Variants in CHODL observed in about 807,000 individuals in gnomAD.
CHODL encodes chondrolectin, also known as transmembrane protein MT75.
CHODL carries 29 observed loss-of-function variants against 34.5 expected under a neutral mutation model. The ratio of observed to expected loss-of-function variants is 0.84; its 90% confidence interval spans 0.63 to 1.15. The LOEUF is 1.15. CHODL is among the 50% of genes most tolerant of loss of function. The probability of loss-of-function intolerance (pLI) is 0.00; values close to 1 mark genes in which losing one functional copy is unlikely to be tolerated. For synonymous variants in CHODL, 125 were observed against 116.1 expected, an observed-to-expected ratio of 1.08 and a Z score of -0.49; for missense variants, 332 against 332.5, an observed-to-expected ratio of 1.00 and a Z score of 0.01.
At chr21:18,098,035 A>G (rs1344069843) in intron 2 of CHODL, among the ~76,000 whole-genome samples, 1 of 152,074 alleles carries the variant, frequency 6.6e-6, no homozygotes, top group East Asian at 1.9e-4. Context: ...CTAGACCCCT[A>G]TGTCTCACCA....
At chr21:18,053,831 C>G (rs1425710019) in intron 2 of CHODL, among the ~76,000 whole-genome samples, 1 of 151,708 alleles carries the variant, frequency 6.6e-6, no homozygotes, top group Non-Finnish European at 1.5e-5. Flanking sequence ...ACTGTACTAA[C>G]CACTACACAT....
chr21:17,962,315 A>G (rs759857160), intron 1 of CHODL, among the ~76,000 whole-genome samples: 1 of 152,230 alleles, frequency 6.6e-6, no homozygotes, highest in Non-Finnish European at 1.5e-5. Flanking sequence ...ACCATTCTCT[A>G]ATATGAAGCA....
intron 2 of CHODL, among the ~76,000 whole-genome samples, chr21:18,226,264 T>C (rs2073929987): frequency 6.6e-6 from 1 of 152,188 alleles, no homozygotes; most frequent in Admixed American, 6.5e-5. Flanking sequence ...TTTTAAGTTA[T>C]AGATAAAATG....
intron 2 of CHODL, among the ~76,000 whole-genome samples, chr21:18,072,120 G>A (rs1022551848): frequency 4.6e-5 from 7 of 151,490 alleles, no homozygotes; most frequent in African/African-American, 1.2e-4. Context: ...TAAAAACAAC[G>A]TTCTTAATTC....
chr21:17,948,284 C>T (rs2063428302), intron 1 of CHODL, among the ~76,000 whole-genome samples: 1 of 150,390 alleles, frequency 6.6e-6, no homozygotes, highest in Non-Finnish European at 1.5e-5. Context: ...GCACTTGTTC[C>T]CCTAAATCTA....
chr21:18,239,917 G>A (rs2074065309), upstream of CHODL, among the ~76,000 whole-genome samples: 1 of 151,528 alleles, frequency 6.6e-6, no homozygotes. Flanking sequence ...CATTTTTATA[G>A]GAAAAAATAG....
intron 1 of CHODL, among the ~76,000 whole-genome samples, chr21:18,253,830 T>G (rs905400058): frequency 1.3e-5 from 2 of 152,150 alleles, no homozygotes; most frequent in Non-Finnish European, 2.9e-5. Context: ...GCCTGTTAAT[T>G]TGTTCAGATT....
intron 2 of CHODL, among the ~76,000 whole-genome samples, chr21:18,139,569 C>T (rs568089170): frequency 5.5e-4 from 84 of 152,094 alleles, no homozygotes; most frequent in Middle Eastern, 6.8e-3. Context: ...CTGACCATGA[C>T]CTCCTAGCTG....
intron 2 of CHODL, among the ~76,000 whole-genome samples, chr21:18,171,439 C>A (rs531731039): frequency 2.7e-5 from 4 of 150,144 alleles, no homozygotes; most frequent in African/African-American, 9.8e-5. Context: ...GATCTCCTGA[C>A]CTCATGATCC....
chr21:18,265,231 GTGTGTATATATATA>G (rs1301641933), intron 5 of CHODL, among the ~76,000 whole-genome samples: 1 of 143,484 alleles, frequency 7.0e-6, no homozygotes, highest in Non-Finnish European at 1.5e-5. Flanking sequence ...ATATATATAT[GTGTGTATATATATA>G]TGTGTATATA....
intron 2 of CHODL, among the ~76,000 whole-genome samples, chr21:18,052,066 C>T (rs375495485): frequency 1.2e-4 from 18 of 151,770 alleles, no homozygotes; most frequent in African/African-American, 2.7e-4. Flanking sequence ...GTTTGTTTTG[C>T]GGGAAGGATT....
chr21:18,218,210 G>A (rs1019890868), intron 2 of CHODL, among the ~76,000 whole-genome samples: 1 of 152,244 alleles, frequency 6.6e-6, no homozygotes, highest in East Asian at 1.9e-4. Flanking sequence ...CCTAGCAGAG[G>A]TTCTCCATGA....
intron 2 of CHODL, among the ~76,000 whole-genome samples, chr21:18,092,307 G>A (rs1218914363): frequency 1.3e-5 from 2 of 152,158 alleles, no homozygotes; most frequent in Non-Finnish European, 2.9e-5. Context: ...AGCATTATTA[G>A]GCTTGGGGCC....
chr21:18,195,179 T>C (rs2073571211), intron 2 of CHODL, among the ~76,000 whole-genome samples: 2 of 151,972 alleles, frequency 1.3e-5, no homozygotes, highest in Admixed American at 1.3e-4. Context: ...CTCAGCCTCC[T>C]GAGTAGCTGG....
chr21:18,230,729 G>A (rs1436994270), intron 2 of CHODL, among the ~76,000 whole-genome samples: 1 of 152,026 alleles, frequency 6.6e-6, no homozygotes, highest in Non-Finnish European at 1.5e-5. Flanking sequence ...TCTCTTAATA[G>A]CATCATTATG....
At chr21:18,138,725 G>GGAATTAGTA (rs1279895456) in intron 2 of CHODL, among the ~76,000 whole-genome samples, 2 of 152,280 alleles carry the variant, frequency 1.3e-5, no homozygotes, top group East Asian at 3.9e-4. Context: ...AGTACTGGTT[G>GGAATTAGTA]CATACTTTCT....
chr21:18,260,560 C>A (rs1304467327), intron 4 of CHODL, among the ~76,000 whole-genome samples: 1 of 152,138 alleles, frequency 6.6e-6, no homozygotes, highest in Non-Finnish European at 1.5e-5. Context: ...CACCTGTAAT[C>A]CCAAGAATTT....
intron 2 of CHODL, among the ~76,000 whole-genome samples, chr21:18,131,721 T>A (rs564375417): frequency 6.6e-6 from 1 of 152,182 alleles, no homozygotes; most frequent in Non-Finnish European, 1.5e-5. Flanking sequence ...GCTTGTTGTA[T>A]AGATGACAGA....
At chr21:17,972,570 G>A (rs2063624215) in intron 1 of CHODL, among the ~76,000 whole-genome samples, 1 of 152,140 alleles carries the variant, frequency 6.6e-6, no homozygotes, top group East Asian at 1.9e-4. Context: ...AAACACCTAG[G>A]AATCCGACTT....
Sources: allele counts gnomAD v4.1 joint callset (sites outside exome capture counted in the v4.1 genomes callset), GRCh38; gene constraint gnomAD v4.1.1; transcripts MANE v1.5; gene names NCBI Gene and HGNC (gene_info 2026-07-23, HGNC 2026-07-21).